The following PRUNE2 variants were observed in gnomAD, a reference collection of about 807,000 sequenced individuals.
PRUNE2 encodes prune homolog 2 with BCH domain.
A neutral mutation model predicts 252.0 loss-of-function variants in PRUNE2; 164 were observed. That is an observed-to-expected ratio of 0.65 (90% CI 0.57 to 0.74). PRUNE2 has a LOEUF of 0.74. Ranked by LOEUF, PRUNE2 falls within the 30% of genes least tolerant of loss-of-function variation. The pLI is 0.00. For synonymous variants in PRUNE2, 1,292 were observed against 1,350.2 expected (o/e 0.96, Z 0.94); for missense variants, 3,495 against 3,711.0 (o/e 0.94, Z 1.51).
intron 1 of PRUNE2, among the ~76,000 whole-genome samples, chr9:76,859,869 A>G (rs1408272454): frequency 6.6e-6 from 1 of 151,874 alleles, no homozygotes. Flanking sequence ...TGCCCAGCTA[A>G]TTTTTCTTTT....
At chr9:76,871,883 G>A (rs963942455) in intron 1 of PRUNE2, among the ~76,000 whole-genome samples, 7 of 152,064 alleles carry the variant, frequency 4.6e-5, no homozygotes, top group Admixed American at 2.0e-4. Context: ...CCTGCCTCAG[G>A]CTCCCAAAGT....
chr9:76,850,763 G>C, intron 2 of PRUNE2, 98 bp from the exon 3 acceptor site: 1 of 889,740 alleles, frequency 1.1e-6, no homozygotes, highest in Middle Eastern at 2.3e-4. Context: ...AAAGGAATAG[G>C]AGTCTTCTGG....
At chr9:76,883,623 C>A (rs1190291936) in intron 1 of PRUNE2, among the ~76,000 whole-genome samples, 1 of 152,220 alleles carries the variant, frequency 6.6e-6, no homozygotes, top group Admixed American at 6.5e-5. Context: ...GCCTCTTGGA[C>A]TCTTTGTAAT....
In PRUNE2 at chr9:76,706,113, T is replaced by C. The variant is rs201280898; in HGVS notation, c.6161A>G (p.His2054Arg). The C allele has an allele frequency of 4.0e-4, 651 of 1,613,998 alleles. 3 individuals are homozygous for C. Among genetic ancestry groups the C allele is most frequent in the Middle Eastern group, 1.2e-3 (7 of 6,062 alleles). The change falls in exon 8 of 19, where the codon CAT (histidine) becomes CGT (arginine). Residue 2054 changes from histidine to arginine, a missense_variant. By Grantham distance (29) the His-to-Arg change is conservative. Transcript: ENST00000376718. Reference protein sequence around the residue: ...SRGTFVPDILHGNFQEGGQLA... With the variant: ...SRGTFVPDILRGNFQEGGQLA... ...CTGCCCACCCTCTTGAAAGTTGCCA[T>C]GTAAAATATCTGGCACAAAGGTACC...
chr9:76,855,080 A>ATATAT (rs1207880937), intron 1 of PRUNE2, among the ~76,000 whole-genome samples: 6 of 126,712 alleles, frequency 4.7e-5, no homozygotes, highest in African/African-American at 1.6e-4. Flanking sequence ...AAAAAAAAAA[A>ATATAT]AAATATATAT....
intron 6 of PRUNE2, chr9:76,817,873 G>C (rs1315094822): frequency 6.6e-6 from 1 of 152,130 alleles, no homozygotes; most frequent in Non-Finnish European, 1.5e-5. Flanking sequence ...TTTTACTGTA[G>C]CAAGGAAGAG....
At chr9:76,896,499 C>T (rs375130859) in intron 1 of PRUNE2, among the ~76,000 whole-genome samples, 13 of 152,204 alleles carry the variant, frequency 8.5e-5, no homozygotes, top group African/African-American at 2.7e-4. Flanking sequence ...GCACTTACAA[C>T]GCATCCTGTC....
intron 6 of PRUNE2, among the ~76,000 whole-genome samples, chr9:76,803,014 G>C (rs575548626): frequency 6.6e-6 from 1 of 151,990 alleles, no homozygotes; most frequent in African/African-American, 2.4e-5. Context: ...GTAGGTGATA[G>C]GAACATAAGC....
chr9:76,793,506 A>C (rs2055757338), intron 6 of PRUNE2, among the ~76,000 whole-genome samples: 1 of 152,214 alleles, frequency 6.6e-6, no homozygotes, highest in African/African-American at 2.4e-5. Flanking sequence ...TGATGGCAAC[A>C]GATACTGTAC....
At chr9:76,650,325 A>G (rs1041150837) in intron 11 of PRUNE2, among the ~76,000 whole-genome samples, 6 of 151,202 alleles carry the variant, frequency 4.0e-5, no homozygotes, top group African/African-American at 1.5e-4. Context: ...TATATACACG[A>G]AAAATATAAT....
At chr9:76,725,283 C>G (rs72732644) in intron 6 of PRUNE2, among the ~76,000 whole-genome samples, 364 of 152,316 alleles carry the variant, frequency 2.4e-3, no homozygotes, top group South Asian at 0.017. Context: ...TTAACCTGAC[C>G]AAATGAAGAT....
chr9:76,815,818 T>A lies in PRUNE2; in HGVS notation c.756+7814A>T, dbSNP rs190064718. Reference sequence around the variant, plus strand: ...CAATAGGTAAAGCAGAGAAAAGTTGTCAACAGAAACATCAAGTTGTCTCCA... The same window carrying A: ...CAATAGGTAAAGCAGAGAAAAGTTGACAACAGAAACATCAAGTTGTCTCCA... On this transcript the variant is annotated intron_variant, in intron 6 of 18. Transcript: ENST00000376718. 1.7e-3 allele frequency among the ~76,000 whole-genome samples: 257 copies of A among 152,286 alleles called. 1 individual carries two copies. The Middle Eastern group carries it at 0.027, about 16-fold the overall frequency.
intron 6 of PRUNE2, among the ~76,000 whole-genome samples, chr9:76,754,239 A>G (rs1445968317): frequency 6.6e-6 from 1 of 152,128 alleles, no homozygotes; most frequent in Non-Finnish European, 1.5e-5. Flanking sequence ...TCAGGTTTGA[A>G]CTACTCAGAA....
intron 17 of PRUNE2, among the ~76,000 whole-genome samples, chr9:76,622,958 A>G (rs1043883236): frequency 1.3e-5 from 2 of 152,360 alleles, no homozygotes; most frequent in East Asian, 3.9e-4. Context: ...AAATAATCCT[A>G]TAGGTTATTA....
chr9:76,622,831 C>T (rs1164019402), intron 17 of PRUNE2, among the ~76,000 whole-genome samples: 1 of 152,116 alleles, frequency 6.6e-6, no homozygotes, highest in Non-Finnish European at 1.5e-5. Context: ...TGTCAGTTAT[C>T]TTGAAAGAAA....
intron 1 of PRUNE2, among the ~76,000 whole-genome samples, chr9:76,878,238 A>G (rs2133222422): frequency 6.6e-6 from 1 of 152,306 alleles, no homozygotes; most frequent in South Asian, 2.1e-4. Context: ...ATGGCCAAAG[A>G]GAAGGAAAAG....
intron 1 of PRUNE2, among the ~76,000 whole-genome samples, chr9:76,897,917 C>T (rs7036697): frequency 0.071 from 10,770 of 152,234 alleles, 1,270 homozygotes; most frequent in African/African-American, 0.24. Context: ...AATAGGGCTT[C>T]CTGGCTCTTG....
At chr9:76,692,208 ACAT>A (rs2134473044) in intron 9 of PRUNE2, 1 of 715,968 alleles carries the variant, frequency 1.4e-6, no homozygotes, top group East Asian at 2.7e-5. Context: ...GATCTCTGGC[ACAT>A]CTAAATAAGG....
intron 4 of PRUNE2, among the ~76,000 whole-genome samples, chr9:76,837,993 G>T (rs568286027): frequency 6.6e-6 from 1 of 151,718 alleles, no homozygotes; most frequent in Non-Finnish European, 1.5e-5. Context: ...GGATGGTCTC[G>T]ATCTCCTGAC....
Sources: allele counts gnomAD v4.1 joint callset (sites outside exome capture counted in the v4.1 genomes callset), GRCh38; gene constraint gnomAD v4.1.1; transcripts MANE v1.5; gene names NCBI Gene and HGNC (gene_info 2026-07-23, HGNC 2026-07-21).